CNTN3: variants seen among roughly 807,000 people sequenced by gnomAD.
CNTN3 encodes the protein contactin-3.
Under a neutral mutation model 119.1 loss-of-function variants are expected in CNTN3, and 60 were observed. That is an observed-to-expected ratio of 0.50 (90% CI 0.41 to 0.62). The LOEUF (loss-of-function observed/expected upper bound fraction) is 0.62. Among genes scored for constraint, CNTN3 ranks in the 20% least tolerant of loss-of-function variants. The pLI, the probability that CNTN3 is intolerant of heterozygous loss-of-function variation, is 0.00. For synonymous variants in CNTN3, 450 were observed against 438.7 expected (o/e 1.03, Z -0.32); for missense variants, 1,101 against 1,242.4 (o/e 0.89, Z 1.71).
At chr3:74,431,622 T>C (rs34453994) in intron 4 of CNTN3, among the ~76,000 whole-genome samples, 32,986 of 152,142 alleles carry the variant, frequency 0.22, 4,630 homozygotes, top group Non-Finnish European at 0.32. Context: ...TAATTCTATG[T>C]AGACAATTTT....
intron 1 of CNTN3, among the ~76,000 whole-genome samples, chr3:74,594,273 C>CTTTTTTTTTTTTTTTTTTTCT (rs59436860): frequency 2.7e-5 from 3 of 112,054 alleles, no homozygotes; most frequent in African/African-American, 8.9e-5. Context: ...TTCTTTTTTT[C>CTTTTTTTTTTTTTTTTTTTCT]TTTTTTTTTT....
chr3:74,362,410 T>A (rs990803378), intron 10 of CNTN3, among the ~76,000 whole-genome samples: 1 of 152,202 alleles, frequency 6.6e-6, no homozygotes, highest in South Asian at 2.1e-4. Context: ...CTTGGTACAG[T>A]GCCTAGCATT....
chr3:74,301,656 C>T lies in CNTN3; in HGVS notation c.1936G>A (p.Val646Ile), dbSNP rs148089886. The change falls in exon 15 of 23, where the codon GTC (valine) becomes ATC (isoleucine). Residue 646 changes from valine to isoleucine, a missense_variant. By Grantham distance (29) the Val-to-Ile change is conservative. Transcript: ENST00000263665. The part of the protein sequence containing the change: ...RTPFSVGWQT[V>I]TTVPEVIDGK... ...GCCTCTCCTGCTTTACCTGTTGTGA[C>T]GGTTTGCCAACCCACGGAGAAAGGT... 148 of 1,613,792 alleles carry T rather than the reference C, an allele frequency of 9.2e-5. No individual in the cohort carries two copies. Among genetic ancestry groups the T allele is most frequent in the Non-Finnish European group, 1.1e-4 (132 of 1,179,924 alleles).
intron 1 of CNTN3, among the ~76,000 whole-genome samples, chr3:74,545,603 G>C (rs749498762): frequency 3.9e-5 from 6 of 152,144 alleles, no homozygotes; most frequent in African/African-American, 7.2e-5. Flanking sequence ...AAAAGGAAAA[G>C]TAATTCGTTT....
intron 4 of CNTN3, among the ~76,000 whole-genome samples, chr3:74,467,370 G>A (rs1306495858): frequency 6.6e-6 from 1 of 152,000 alleles, no homozygotes; most frequent in Non-Finnish European, 1.5e-5. Flanking sequence ...TGGGGGATGG[G>A]GGAAGGAAAA....
At position 74,268,993 on chromosome 3, in the gene CNTN3, A is replaced by T. The variant is rs552677128; in HGVS notation, c.2705-1615T>A. Among the ~76,000 whole-genome samples, 4 of 151,706 alleles carry T rather than the reference A, an allele frequency of 2.6e-5. No individual in the cohort carries two copies. In the East Asian group the frequency reaches 7.8e-4, roughly 29 times the overall value. The stretch of plus-strand genomic sequence containing the variant: ...GGGTTTATCTTGTATGAGTCACAAC[A>T]TACGTGGGCTGAATGAGTTCAGCCT... On this transcript the variant is annotated intron_variant, in intron 20 of 22. Transcript: ENST00000263665.
At chr3:74,573,224 G>T (rs1024390474) in intron 1 of CNTN3, among the ~76,000 whole-genome samples, 2 of 151,900 alleles carry the variant, frequency 1.3e-5, no homozygotes, top group African/African-American at 4.8e-5. Flanking sequence ...AGGCCTCAGA[G>T]AAAGGGGTGG....
chr3:74,341,323 A>G (rs1234544643), intron 11 of CNTN3, among the ~76,000 whole-genome samples: 1 of 152,182 alleles, frequency 6.6e-6, no homozygotes, highest in Non-Finnish European at 1.5e-5. Context: ...ATACCACTTC[A>G]CTATAAACGA....
intron 4 of CNTN3, among the ~76,000 whole-genome samples, chr3:74,442,621 T>C (rs1427280788): frequency 2.0e-5 from 3 of 152,322 alleles, no homozygotes; most frequent in African/African-American, 7.2e-5. Flanking sequence ...TTAATTCAGA[T>C]GCATAACCCA....
At chr3:74,378,811 A>G (rs1704542509) in intron 5 of CNTN3, among the ~76,000 whole-genome samples, 1 of 152,218 alleles carries the variant, frequency 6.6e-6, no homozygotes, top group African/African-American at 2.4e-5. Context: ...TGAGCTTAAC[A>G]TTCCCTTAAC....
At chr3:74,512,856 C>T (rs919679697) in intron 2 of CNTN3, among the ~76,000 whole-genome samples, 8 of 152,060 alleles carry the variant, frequency 5.3e-5, no homozygotes, top group African/African-American at 1.9e-4. Context: ...CATAATTATG[C>T]TCCACTTAAT....
At chr3:74,301,935 G>A (rs1366347590) in intron 14 of CNTN3, 130 bp from the exon 15 acceptor site, 3 of 920,406 alleles carry the variant, frequency 3.3e-6, no homozygotes, top group East Asian at 2.5e-5. Flanking sequence ...AGCACTTAGG[G>A]AAAAGGCCAT....
rs1383896580 is a variant in CNTN3 at position 74,614,438 on chromosome 3, GCCGCCGCCGCCGCCGCCGCCGCCGCCA to G, written c.-155_-129del. ...CGCCCGCCCCGACGGCCCACTCGCC[GCCGCCGCCGCCGCCGCCGCCGCCGCCA>G]CCGCCGCCGCCGCAGTTAGTCCGGG... On this transcript the variant is annotated 5_prime_UTR_variant, in exon 1 of 23. Transcript: ENST00000263665. 1.6e-4 allele frequency among the ~76,000 whole-genome samples: 6 copies of G among 38,572 alleles called. No homozygotes were observed. In the South Asian group the frequency reaches 3.6e-3, roughly 23 times the overall value. 25.3% of individuals were successfully genotyped at this position (38,572 alleles called of 152,430 possible). A position where few individuals can be genotyped will look rare whatever the true frequency, so the allele number is the denominator to read the frequency against.
chr3:74,386,648 G>C (rs4677387), intron 5 of CNTN3, among the ~76,000 whole-genome samples: 4 of 152,248 alleles, frequency 2.6e-5, no homozygotes, highest in Admixed American at 1.3e-4. Context: ...TGGTATCTGC[G>C]AGCTCTGTAA....
At chr3:74,574,925 C>CTTTT (rs71625983) in intron 1 of CNTN3, among the ~76,000 whole-genome samples, 1 of 145,356 alleles carries the variant, frequency 6.9e-6, no homozygotes, top group African/African-American at 2.5e-5. Context: ...GAAGCATTTT[C>CTTTT]TTTTTTTTTT....
intron 5 of CNTN3, among the ~76,000 whole-genome samples, chr3:74,372,439 G>A (rs1704364183): frequency 6.6e-6 from 1 of 151,918 alleles, no homozygotes; most frequent in Admixed American, 6.6e-5. Context: ...ACTTTGTTCT[G>A]GAGGCCCAGG....
chr3:74,404,398 T>C (rs1705271876), intron 5 of CNTN3, among the ~76,000 whole-genome samples: 1 of 152,118 alleles, frequency 6.6e-6, no homozygotes. Flanking sequence ...CTTCTCAATG[T>C]CTGTTACTCT....
chr3:74,311,319 A>G (rs1401582394), intron 13 of CNTN3, among the ~76,000 whole-genome samples: 2 of 152,206 alleles, frequency 1.3e-5, no homozygotes, highest in Non-Finnish European at 2.9e-5. Flanking sequence ...ATAAAGAAGG[A>G]AAGACTAGGT....
chr3:74,406,309 A>G (rs1705322270), intron 5 of CNTN3, among the ~76,000 whole-genome samples: 1 of 152,134 alleles, frequency 6.6e-6, no homozygotes, highest in South Asian at 2.1e-4. Context: ...GAAGTGCTTA[A>G]ACTACAACGA....
Sources: allele counts gnomAD v4.1 joint callset (sites outside exome capture counted in the v4.1 genomes callset), GRCh38; gene constraint gnomAD v4.1.1; transcripts MANE v1.5; gene names NCBI Gene and HGNC (gene_info 2026-07-23, HGNC 2026-07-21).